Variants in SLIT3 observed in about 807,000 individuals in gnomAD.
SLIT3 encodes slit guidance ligand 3, also known as slit homolog 3 protein.
In SLIT3, 68 loss-of-function variants were observed where a neutral mutation model predicts 184.0. That is an observed-to-expected ratio of 0.37 (90% CI 0.30 to 0.45). The LOEUF is 0.45. SLIT3 is among the 20% of genes least tolerant of loss of function. The pLI, the probability that SLIT3 is intolerant of heterozygous loss-of-function variation, is 1.00. For synonymous variants in SLIT3, 831 were observed against 828.6 expected (o/e 1.00, Z -0.05); for missense variants, 1,707 against 2,026.0 (o/e 0.84, Z 3.02).
At chr5:169,231,215 T>G (rs1269757512) in intron 3 of SLIT3, among the ~76,000 whole-genome samples, 1 of 152,178 alleles carries the variant, frequency 6.6e-6, no homozygotes, top group Non-Finnish European at 1.5e-5. Flanking sequence ...TAAAATAAAT[T>G]TTTTGAAGTA....
rs190962758 is a variant in SLIT3 at position 169,005,149 on chromosome 5, T to C, written c.414-121813A>G. On this transcript the variant is annotated intron_variant, in intron 4 of 35. Transcript: ENST00000519560. ...AGATTGTTTTTAAAACATAATGCTG[T>C]TACAAAATAGACTATGGAACAGTGT... Among the ~76,000 whole-genome samples the C allele has an allele frequency of 1.2e-4, 19 of 152,352 alleles. No individual in the cohort carries two copies. In the East Asian group the frequency reaches 2.9e-3, roughly 23 times the overall value.
At chr5:169,278,715 C>A (rs1256401159) in intron 1 of SLIT3, among the ~76,000 whole-genome samples, 1 of 152,124 alleles carries the variant, frequency 6.6e-6, no homozygotes, top group East Asian at 1.9e-4. Flanking sequence ...AGGTACAGAG[C>A]CAAGGTTTGA....
At chr5:168,834,980 C>A (rs1356964834) in intron 6 of SLIT3, among the ~76,000 whole-genome samples, 1 of 152,094 alleles carries the variant, frequency 6.6e-6, no homozygotes, top group Non-Finnish European at 1.5e-5. Context: ...ACACTGGAAT[C>A]AATTAAAATT....
chr5:168,801,959 T>C (rs1424843777), intron 9 of SLIT3, among the ~76,000 whole-genome samples: 1 of 151,938 alleles, frequency 6.6e-6, no homozygotes, highest in Non-Finnish European at 1.5e-5. Flanking sequence ...GGCAACCCCC[T>C]CCCCTTCCCC....
intron 4 of SLIT3, among the ~76,000 whole-genome samples, chr5:169,088,613 G>GC (rs1759417648): frequency 6.6e-6 from 1 of 152,108 alleles, no homozygotes; most frequent in Non-Finnish European, 1.5e-5. Flanking sequence ...AAAACCATGA[G>GC]CTGGGGCAAG....
intron 16 of SLIT3, among the ~76,000 whole-genome samples, chr5:168,755,936 G>A (rs1329753917): frequency 6.6e-6 from 1 of 152,190 alleles, no homozygotes; most frequent in Admixed American, 6.5e-5. Context: ...CCTGGCCCTG[G>A]AAAGCATCCC....
At chr5:169,196,620 G>T (rs1166962752) in intron 3 of SLIT3, among the ~76,000 whole-genome samples, 1 of 152,162 alleles carries the variant, frequency 6.6e-6, no homozygotes, top group Non-Finnish European at 1.5e-5. Context: ...GCCTGGGGAG[G>T]TCAAGCCATC....
At chr5:168,798,504 C>T (rs1756656944) in intron 9 of SLIT3, among the ~76,000 whole-genome samples, 1 of 152,108 alleles carries the variant, frequency 6.6e-6, no homozygotes, top group African/African-American at 2.4e-5. Context: ...GCTGAGATGA[C>T]AGGTGTGAGC....
Position 168,685,824 on chromosome 5 carries a change from C to T in SLIT3, c.3418G>A (p.Glu1140Lys). ...CCTGGTGGGCAGCGGCAGGTGGGCTCCTGCTGCACCACGATGCACTGGGCC... is the reference window on the plus strand; with the variant it reads ...CCTGGTGGGCAGCGGCAGGTGGGCTTCTGCTGCACCACGATGCACTGGGCC... Reference protein sequence around the residue: ...NGAQCIVVQQEPTCRCPPGFA... With the variant: ...NGAQCIVVQQKPTCRCPPGFA... The change falls in exon 31 of 36, where the codon GAG becomes AAG. Residue 1140 changes from glutamate (E) to lysine (K), a missense_variant. Glu to Lys is a moderately conservative substitution (Grantham distance 56). This residue lies in a region of SLIT3 where 1,307 missense variants were observed against 1,511.6 expected (regional missense o/e 0.86). Coordinates refer to ENST00000519560, the MANE Select transcript of SLIT3 (RefSeq NM_003062.4). 6.2e-7 allele frequency: 1 copy of T among 1,613,834 alleles called. No homozygotes were observed. The highest frequency in any genetic ancestry group is 1.1e-5 in the South Asian group (1 of 91,052).
intron 4 of SLIT3, among the ~76,000 whole-genome samples, chr5:169,049,988 T>A (rs1315108650): frequency 6.6e-6 from 1 of 151,998 alleles, no homozygotes; most frequent in Non-Finnish European, 1.5e-5. Flanking sequence ...GAGCCATCTA[T>A]TTTTTTTCCT....
chr5:169,202,624 T>C (rs1219885506), intron 3 of SLIT3, among the ~76,000 whole-genome samples: 2 of 152,082 alleles, frequency 1.3e-5, no homozygotes, highest in Non-Finnish European at 2.9e-5. Context: ...ACAAGGAATA[T>C]TTGCCGGCCA....
chr5:169,204,148 C>A (rs1763989850), intron 3 of SLIT3, among the ~76,000 whole-genome samples: 1 of 151,790 alleles, frequency 6.6e-6, no homozygotes, highest in Non-Finnish European at 1.5e-5. Context: ...CAAGAGAGAG[C>A]ATAGTTGTGA....
intron 23 of SLIT3, among the ~76,000 whole-genome samples, chr5:168,721,342 T>C (rs1035258212): frequency 6.6e-6 from 1 of 152,158 alleles, no homozygotes; most frequent in African/African-American, 2.4e-5. Flanking sequence ...TAGCAAGCTG[T>C]GATATAAGAA....
At chr5:168,683,671 G>A (rs537056820) in intron 32 of SLIT3, among the ~76,000 whole-genome samples, 3 of 152,262 alleles carry the variant, frequency 2.0e-5, no homozygotes, top group African/African-American at 4.8e-5. Flanking sequence ...AAGCAGCCTC[G>A]TCCCCACTGC....
rs181722521 is a variant in SLIT3, at chr5:168,908,779, C to T, written c.414-25443G>A. On this transcript the variant is annotated intron_variant, in intron 4 of 35. Transcript: ENST00000519560. ...GCTAGACAATAAGGTTCACTGCAAC[C>T]TTTATTACCCTATACCATCTATTAC... Among the ~76,000 whole-genome samples, 5 of 152,294 alleles carry T rather than the reference C, an allele frequency of 3.3e-5. 1 individual carries two copies. Among genetic ancestry groups the T allele is most frequent in the African/African-American group, 9.6e-5 (4 of 41,560 alleles).
chr5:169,019,526 C>T (rs573288319), intron 4 of SLIT3, among the ~76,000 whole-genome samples: 7 of 152,292 alleles, frequency 4.6e-5, no homozygotes, highest in East Asian at 1.9e-4. Context: ...TGCATATGCA[C>T]GGTATCTTAT....
At chr5:168,717,580 GC>G (rs1465408705) in intron 23 of SLIT3, among the ~76,000 whole-genome samples, 1 of 152,110 alleles carries the variant, frequency 6.6e-6, no homozygotes, top group Non-Finnish European at 1.5e-5. Context: ...GTTAAGCACA[GC>G]AACTAACCGG....
At chr5:169,100,340 A>G (rs1304663640) in intron 4 of SLIT3, among the ~76,000 whole-genome samples, 1 of 152,172 alleles carries the variant, frequency 6.6e-6, no homozygotes, top group East Asian at 1.9e-4. Flanking sequence ...CACATGAAAG[A>G]TTTGTGAACT....
At chr5:168,791,088 C>T (rs1034700986) in intron 10 of SLIT3, 1 of 152,274 alleles carries the variant, frequency 6.6e-6, no homozygotes, top group Non-Finnish European at 1.5e-5. Flanking sequence ...AGGGTCTTAA[C>T]AAGCAAATAC....
Sources: allele counts gnomAD v4.1 joint callset (sites outside exome capture counted in the v4.1 genomes callset), GRCh38; gene constraint gnomAD v4.1.1; regional missense constraint gnomAD v4.1.1; transcripts MANE v1.5; gene names NCBI Gene and HGNC (gene_info 2026-07-23, HGNC 2026-07-21).